ZPBP: variants seen among roughly 807,000 people sequenced by gnomAD.
The protein encoded by ZPBP is zona pellucida-binding protein 1.
ZPBP carries 26 observed loss-of-function variants against 44.8 expected under a neutral mutation model. That is an observed-to-expected ratio of 0.58 (90% confidence interval 0.43 to 0.81). ZPBP has a LOEUF of 0.81. ZPBP is among the 30% of genes least tolerant of loss of function. The pLI is 0.00. For missense variants in ZPBP, 409 were observed against 434.0 expected (o/e 0.94, Z 0.51); for synonymous variants, 174 against 153.2 (o/e 1.14, Z -1.00).
At chr7:49,994,481 G>C (rs969677502) in intron 6 of ZPBP, among the ~76,000 whole-genome samples, 3 of 152,288 alleles carry the variant, frequency 2.0e-5, no homozygotes, top group South Asian at 4.1e-4. Flanking sequence ...ACCTCCATCT[G>C]ATAACAGTAT....
chr7:50,093,180 G>A lies in ZPBP; in HGVS notation c.15C>T (p.Ala5=), dbSNP rs764400136. MEAF[A]LGPARRGRRR... ...GCCTGCCCCGCCGCGCTGGGCCAAG[G>A]GCGAAGGCCTCCATCCACACGCCGC... The change falls in exon 1 of 8, where the codon GCC becomes GCT. Residue 5 remains alanine, a synonymous_variant. Coordinates refer to ENST00000046087, the MANE Select transcript of ZPBP (RefSeq NM_007009.3). 7.2e-6 allele frequency: 11 copies of A among 1,532,828 alleles called. No homozygotes were observed. The highest frequency in any genetic ancestry group is 1.4e-5 in the African/African-American group (1 of 71,016). The allele number at this position is 1,532,828 out of a possible 1,614,324, so 95.0% of individuals were successfully genotyped here. A position where few individuals can be genotyped will look rare whatever the true frequency, so the allele number is the denominator to read the frequency against.
At chr7:49,937,283 T>C (rs2128751771), downstream of ZPBP, among the ~76,000 whole-genome samples, 1 of 152,286 alleles carries the variant, frequency 6.6e-6, no homozygotes, top group African/African-American at 2.4e-5. Flanking sequence ...AACAGTATAT[T>C]TGAAACTATT....
downstream of ZPBP, among the ~76,000 whole-genome samples, chr7:49,846,291 T>C (rs913296528): frequency 1.1e-4 from 17 of 152,212 alleles, no homozygotes; most frequent in Admixed American, 1.0e-3. Context: ...GGAAAGAAAT[T>C]TGATGGACTA....
At position 50,005,823 on chromosome 7, in the gene ZPBP, A is replaced by ATGTGTGTGTGTGTG. The variant is rs71018444; in HGVS notation, c.783+12403_783+12416dup. ...AATGAGTTAAACTTCATAACTATAT[A>ATGTGTGTGTGTGTG]TGTGTGTGTGTGTGTGTGTGTGTGT... On this transcript the variant is annotated intron_variant, in intron 6 of 7. Coordinates refer to ENST00000046087, the MANE Select transcript of ZPBP (RefSeq NM_007009.3). Among the ~76,000 whole-genome samples the ATGTGTGTGTGTGTG allele has an allele frequency of 2.3e-3, 334 of 144,906 alleles. 1 individual carries two copies. Among genetic ancestry groups the ATGTGTGTGTGTGTG allele is most frequent in the African/African-American group, 7.8e-3 (300 of 38,306 alleles).
chr7:50,046,646 C>T (rs1331158232), intron 4 of ZPBP, among the ~76,000 whole-genome samples: 1 of 152,136 alleles, frequency 6.6e-6, no homozygotes, highest in African/African-American at 2.4e-5. Flanking sequence ...CAGGAAACAA[C>T]AGATGCTGGA....
At chr7:49,940,531 T>C (rs1794829069) in intron 7 of ZPBP, among the ~76,000 whole-genome samples, 1 of 151,674 alleles carries the variant, frequency 6.6e-6, no homozygotes, top group Non-Finnish European at 1.5e-5. Flanking sequence ...TCCAGTGAAC[T>C]AGGAAGCTCC....
chr7:49,858,508 C>A (rs919836366), intron 2 of ZPBP, among the ~76,000 whole-genome samples: 5 of 139,854 alleles, frequency 3.6e-5, no homozygotes, highest in Admixed American at 8.1e-5. Flanking sequence ...TGAACAATGA[C>A]AACACACGGA....
intron 3 of ZPBP, among the ~76,000 whole-genome samples, chr7:50,058,875 G>GCA (rs1801104033): frequency 1.3e-5 from 2 of 151,668 alleles, no homozygotes; most frequent in African/African-American, 2.4e-5. Context: ...TTGACACTTG[G>GCA]GGTTTGAGAC....
chr7:49,930,734 A>G (rs752040093), intron 1 of ZPBP, among the ~76,000 whole-genome samples: 7 of 152,196 alleles, frequency 4.6e-5, no homozygotes, highest in Non-Finnish European at 1.0e-4. Flanking sequence ...AGTATTTAGC[A>G]TGAAAAAAAA....
intron 2 of ZPBP, among the ~76,000 whole-genome samples, chr7:49,868,311 T>A (rs1790998835): frequency 6.6e-6 from 1 of 152,220 alleles, no homozygotes; most frequent in African/African-American, 2.4e-5. Flanking sequence ...AGACTTGTTT[T>A]AAACCTCTTT....
At chr7:49,932,042 G>A (rs1306140341) in intron 1 of ZPBP, among the ~76,000 whole-genome samples, 9 of 152,214 alleles carry the variant, frequency 5.9e-5, no homozygotes, top group Non-Finnish European at 1.0e-4. Context: ...GGGAACCTCC[G>A]CCTAGATTTC....
Position 50,058,859 on chromosome 7 carries a change from G to A in ZPBP, c.335-718C>T, listed in dbSNP as rs1360520994. ...GAAATGGAAAGTAAATCTGCCTTTA[G>A]AGGCATTGACACTTGGGGTTTGAGA... On this transcript the variant is annotated intron_variant, in intron 3 of 7. Transcript: ENST00000046087. 5.6e-5 allele frequency among the ~76,000 whole-genome samples: 4 copies of A among 71,012 alleles called. No homozygotes were observed. The South Asian group carries it at 1.2e-3, about 21-fold the overall frequency. 46.6% of individuals were successfully genotyped at this position (71,012 alleles called of 152,430 possible). A position where few individuals can be genotyped will look rare whatever the true frequency, so the allele number is the denominator to read the frequency against.
At chr7:50,060,283 G>A (rs1362737974) in intron 3 of ZPBP, among the ~76,000 whole-genome samples, 1 of 151,618 alleles carries the variant, frequency 6.6e-6, no homozygotes, top group African/African-American at 2.4e-5. Context: ...CATGGCCAGG[G>A]ACACCATCCC....
chr7:49,992,556 T>C (rs943954464), intron 6 of ZPBP, among the ~76,000 whole-genome samples: 26 of 151,724 alleles, frequency 1.7e-4, no homozygotes, highest in Non-Finnish European at 3.2e-4. Context: ...ATGAAAAACA[T>C]AAACAGCTAG....
chr7:50,050,224 G>T (rs1339401184), intron 4 of ZPBP, among the ~76,000 whole-genome samples: 2 of 151,936 alleles, frequency 1.3e-5, no homozygotes, highest in Non-Finnish European at 2.9e-5. Context: ...ATCACATTAG[G>T]ATATTTTGTT....
At chr7:50,004,870 CAG>C (rs1798236490) in intron 6 of ZPBP, among the ~76,000 whole-genome samples, 1 of 151,844 alleles carries the variant, frequency 6.6e-6, no homozygotes, top group South Asian at 2.1e-4. Context: ...GGGAAAAGGG[CAG>C]AGAGTTTATT....
At chr7:50,053,782 A>C (rs1800802299) in intron 4 of ZPBP, among the ~76,000 whole-genome samples, 1 of 152,192 alleles carries the variant, frequency 6.6e-6, no homozygotes, top group Non-Finnish European at 1.5e-5. Flanking sequence ...TGTCTTAAGA[A>C]AATTTATATT....
chr7:50,029,400 C>G lies in ZPBP; in HGVS notation c.706+1692G>C, dbSNP rs1386977660. On this transcript the variant is annotated intron_variant, in intron 5 of 7. Transcript: ENST00000046087. Reference sequence around the variant, plus strand: ...CTACAGAAGGAGTAAATCTTGATGACCTCAGATTTGGCAACATATTCTTAG... The same window carrying G: ...CTACAGAAGGAGTAAATCTTGATGAGCTCAGATTTGGCAACATATTCTTAG... Among the ~76,000 whole-genome samples, 4 of 152,036 alleles carry G rather than the reference C, an allele frequency of 2.6e-5. No individual in the cohort carries two copies. In the East Asian group the frequency reaches 5.8e-4, roughly 22 times the overall value.
chr7:49,852,336 C>T (rs986475218), intron 2 of ZPBP, among the ~76,000 whole-genome samples: 3 of 152,178 alleles, frequency 2.0e-5, no homozygotes, highest in African/African-American at 7.2e-5. Flanking sequence ...ACATTGCAGG[C>T]TCTGGTTCAA....
Sources: allele counts gnomAD v4.1 joint callset (sites outside exome capture counted in the v4.1 genomes callset), GRCh38; gene constraint gnomAD v4.1.1; transcripts MANE v1.5; gene names NCBI Gene and HGNC (gene_info 2026-07-23, HGNC 2026-07-21).